The following BACH2 variants were observed in gnomAD, a reference collection of about 807,000 sequenced individuals.
BACH2 encodes transcription regulator protein BACH2.
In BACH2, 5 loss-of-function variants were observed where a neutral mutation model predicts 61.8. The ratio of observed to expected loss-of-function variants is 0.08; its 90% CI spans 0.04 to 0.17. BACH2 has a LOEUF of 0.17. BACH2 is among the 10% of genes least tolerant of loss of function. The pLI is 1.00. For synonymous variants in BACH2, 446 were observed against 440.1 expected, an observed-to-expected ratio of 1.01 and a Z score of -0.17; for missense variants, 824 against 1,091.1, an observed-to-expected ratio of 0.76 and a Z score of 3.45.
chr6:90,032,048 G>C (rs1779012951), intron 5 of BACH2, among the ~76,000 whole-genome samples: 1 of 152,048 alleles, frequency 6.6e-6, no homozygotes, highest in African/African-American at 2.4e-5. Flanking sequence ...CAGAAATAAT[G>C]CCGCATATCT....
intron 4 of BACH2, among the ~76,000 whole-genome samples, chr6:90,169,928 GA>G (rs538940885): frequency 6.6e-6 from 1 of 152,046 alleles, no homozygotes. Context: ...TTGGTGGGCA[GA>G]AAAAAACATT....
In BACH2 at chr6:89,932,434, C is replaced by A. The variant is rs766960741; in HGVS notation, c.2500G>T (p.Glu834Ter). The stretch of plus-strand genomic sequence containing the variant: ...TAGGTATAATCTTTCCTGGGCTGTT[C>A]GTCAGTTGTACACTTATCAGTCATT... ...QEMTDKCTTD[E>*]QPRKDYT is the part of the protein sequence containing the mutation. The change falls in exon 9 of 9, where the codon GAA (glutamate) becomes TAA (stop). Residue 834 changes from glutamate (E) to a stop codon, truncating the protein, a stop_gained. Transcript: ENST00000257749. LOFTEE classifies it high-confidence loss of function. 2 of 1,613,828 alleles carry A rather than the reference C, an allele frequency of 1.2e-6. No individual in the cohort carries two copies. Among genetic ancestry groups the A allele is most frequent in the East Asian group, 2.2e-5 (1 of 44,876 alleles).
chr6:90,243,495 C>T (rs1770526961), intron 3 of BACH2, among the ~76,000 whole-genome samples: 1 of 152,050 alleles, frequency 6.6e-6, no homozygotes, highest in South Asian at 2.1e-4. Context: ...TATTGTTTTG[C>T]CTTTAGATCA....
At chr6:90,141,783 T>C (rs1190685868) in intron 4 of BACH2, among the ~76,000 whole-genome samples, 2 of 152,202 alleles carry the variant, frequency 1.3e-5, no homozygotes, top group Non-Finnish European at 2.9e-5. Context: ...TCATATTTTA[T>C]TAAAAATTCT....
At chr6:90,130,814 C>A (rs1158480665) in intron 4 of BACH2, among the ~76,000 whole-genome samples, 5 of 152,238 alleles carry the variant, frequency 3.3e-5, no homozygotes, top group Admixed American at 1.3e-4. Flanking sequence ...GGCAAACAAT[C>A]TGGTTAAAAT....
chr6:90,005,086 G>A (rs1777335849), intron 6 of BACH2, among the ~76,000 whole-genome samples: 2 of 152,148 alleles, frequency 1.3e-5, no homozygotes, highest in African/African-American at 2.4e-5. Context: ...CTCTGTGAGT[G>A]GCTCTAATGT....
intron 6 of BACH2, among the ~76,000 whole-genome samples, chr6:89,964,149 A>G (rs2128359693): frequency 6.6e-6 from 1 of 152,010 alleles, no homozygotes; most frequent in South Asian, 2.1e-4. Flanking sequence ...TGGCACATGC[A>G]TACATATGTA....
At chr6:90,011,824 G>A (rs1333153367) in intron 5 of BACH2, among the ~76,000 whole-genome samples, 1 of 143,550 alleles carries the variant, frequency 7.0e-6, no homozygotes, top group Non-Finnish European at 1.5e-5. Context: ...GGGAGGCGGA[G>A]ACAGGAGAAT....
At chr6:89,986,219 GTT>G (rs111985387) in intron 6 of BACH2, among the ~76,000 whole-genome samples, 4 of 140,328 alleles carry the variant, frequency 2.9e-5, no homozygotes, top group Admixed American at 7.1e-5. Flanking sequence ...TAAAGTCTGA[GTT>G]TTTTTTTTTT....
At chr6:89,966,201 C>T (rs1278187363) in intron 6 of BACH2, among the ~76,000 whole-genome samples, 20 of 152,150 alleles carry the variant, frequency 1.3e-4, no homozygotes, top group Admixed American at 1.3e-3. Context: ...CCTTTACCAA[C>T]CATCATGTAA....
chr6:90,010,326 A>T (rs1340172143), intron 5 of BACH2, among the ~76,000 whole-genome samples: 1 of 152,186 alleles, frequency 6.6e-6, no homozygotes, highest in African/African-American at 2.4e-5. Context: ...TGCATTTTCT[A>T]GAGTTTCATA....
intron 4 of BACH2, among the ~76,000 whole-genome samples, chr6:90,178,523 A>G (rs1768053320): frequency 6.6e-6 from 1 of 152,174 alleles, no homozygotes; most frequent in Non-Finnish European, 1.5e-5. Flanking sequence ...TACACACACT[A>G]TTAGTTTTCA....
chr6:89,933,490 C>T (rs1234583370), intron 8 of BACH2, among the ~76,000 whole-genome samples: 1 of 152,044 alleles, frequency 6.6e-6, no homozygotes, highest in African/African-American at 2.4e-5. Context: ...AACCATAGAA[C>T]GTGCAACACC....
At chr6:90,190,405 T>C (rs1768528673) in intron 4 of BACH2, among the ~76,000 whole-genome samples, 1 of 152,262 alleles carries the variant, frequency 6.6e-6, no homozygotes, top group South Asian at 2.1e-4. Flanking sequence ...CACTTCTAAT[T>C]GATTTACTAT....
At chr6:89,948,738 C>T (rs879810665) in intron 7 of BACH2, among the ~76,000 whole-genome samples, 10 of 152,140 alleles carry the variant, frequency 6.6e-5, no homozygotes, top group Admixed American at 1.3e-4. Flanking sequence ...TCACTATTTT[C>T]GGGAAAGCTC....
At chr6:90,066,825 G>T (rs1205746168) in intron 5 of BACH2, among the ~76,000 whole-genome samples, 10 of 152,224 alleles carry the variant, frequency 6.6e-5, no homozygotes, top group Admixed American at 6.5e-4. Flanking sequence ...TGAGGCAACT[G>T]CTAGAATGGG....
chr6:89,964,201 T>C (rs1270672271), intron 6 of BACH2, among the ~76,000 whole-genome samples: 1 of 108,740 alleles, frequency 9.2e-6, no homozygotes, highest in Non-Finnish European at 1.8e-5. Flanking sequence ...AAACTTAAAG[T>C]ATAATTAAAA....
intron 4 of BACH2, among the ~76,000 whole-genome samples, chr6:90,089,614 C>G (rs1782077873): frequency 6.6e-6 from 1 of 151,864 alleles, no homozygotes; most frequent in South Asian, 2.1e-4. Flanking sequence ...TTTCAGATAA[C>G]TTAATACATG....
intron 5 of BACH2, among the ~76,000 whole-genome samples, chr6:90,059,476 C>T (rs1160988667): frequency 1.3e-5 from 2 of 152,264 alleles, no homozygotes; most frequent in East Asian, 3.9e-4. Flanking sequence ...CAGGAAACAA[C>T]AGGTGCTGGA....
Sources: allele counts gnomAD v4.1 joint callset (sites outside exome capture counted in the v4.1 genomes callset), GRCh38; gene constraint gnomAD v4.1.1; transcripts MANE v1.5; gene names NCBI Gene and HGNC (gene_info 2026-07-23, HGNC 2026-07-21).